IGFBP7: variants seen among roughly 807,000 people sequenced by gnomAD.
IGFBP7 encodes the protein insulin like growth factor binding protein 7.
In IGFBP7, 31 loss-of-function variants were observed where a neutral mutation model predicts 29.4. That is an observed-to-expected ratio of 1.05 (90% confidence interval 0.79 to 1.42). The LOEUF is 1.42. Among genes scored for constraint, IGFBP7 ranks in the 40% most tolerant of loss-of-function variants. The pLI is 0.00. For missense variants in IGFBP7, 393 were observed against 395.5 expected (o/e 0.99, Z 0.05); for synonymous variants, 172 against 174.9 (o/e 0.98, Z 0.13).
chr4:57,055,598 C>T (rs147781514), intron 1 of IGFBP7, among the ~76,000 whole-genome samples: 5 of 151,900 alleles, frequency 3.3e-5, no homozygotes. Flanking sequence ...CCTGATAACA[C>T]CAGCACCGCC....
At chr4:57,099,346 C>T (rs2109802580) in intron 1 of IGFBP7, among the ~76,000 whole-genome samples, 1 of 152,326 alleles carries the variant, frequency 6.6e-6, no homozygotes, top group Non-Finnish European at 1.5e-5. Flanking sequence ...AATTTTCCTT[C>T]TGCAAGTTGT....
chr4:57,090,353 T>A (rs1208993609), intron 1 of IGFBP7, among the ~76,000 whole-genome samples: 1 of 152,228 alleles, frequency 6.6e-6, no homozygotes, highest in Non-Finnish European at 1.5e-5. Context: ...CTAGTTCTTA[T>A]GATATACCCT....
intron 2 of IGFBP7, among the ~76,000 whole-genome samples, chr4:57,038,495 T>A (rs894692937): frequency 5.3e-5 from 8 of 152,124 alleles, no homozygotes; most frequent in Non-Finnish European, 8.8e-5. Context: ...AATGGGCTGG[T>A]AGAACTTGCA....
chr4:57,046,370 C>T (rs920140878), intron 1 of IGFBP7, among the ~76,000 whole-genome samples: 5 of 152,026 alleles, frequency 3.3e-5, no homozygotes, highest in African/African-American at 1.2e-4. Context: ...TGACTCTGTA[C>T]CAAATAACTT....
intron 1 of IGFBP7, among the ~76,000 whole-genome samples, chr4:57,098,803 G>A (rs967095995): frequency 6.6e-6 from 1 of 152,220 alleles, no homozygotes; most frequent in African/African-American, 2.4e-5. Flanking sequence ...TCCTTTGGAA[G>A]CCAGGGGTGC....
intron 1 of IGFBP7, among the ~76,000 whole-genome samples, chr4:57,100,187 A>T (rs1170786373): frequency 7.0e-6 from 1 of 143,062 alleles, no homozygotes; most frequent in African/African-American, 2.6e-5. Flanking sequence ...CTCTCACTTT[A>T]GCCTCCTGAG....
At chr4:57,088,390 T>A (rs928381340) in intron 1 of IGFBP7, among the ~76,000 whole-genome samples, 1 of 152,204 alleles carries the variant, frequency 6.6e-6, no homozygotes, top group African/African-American at 2.4e-5. Context: ...ATAAAAATAT[T>A]GAGGTTCCGA....
At chr4:57,076,046 A>G (rs1471089835) in intron 1 of IGFBP7, among the ~76,000 whole-genome samples, 1 of 152,204 alleles carries the variant, frequency 6.6e-6, no homozygotes, top group Non-Finnish European at 1.5e-5. Flanking sequence ...TGGCTTAAGC[A>G]TCTGAAGTGT....
At chr4:57,062,217 T>A (rs1402741672) in intron 1 of IGFBP7, among the ~76,000 whole-genome samples, 1 of 152,064 alleles carries the variant, frequency 6.6e-6, no homozygotes, top group Non-Finnish European at 1.5e-5. Flanking sequence ...TCATTTTGCT[T>A]TGTTGGAGAG....
At chr4:57,057,406 A>T (rs1335762808) in intron 1 of IGFBP7, among the ~76,000 whole-genome samples, 2 of 152,232 alleles carry the variant, frequency 1.3e-5, no homozygotes. Context: ...CCTGGGGCTT[A>T]TTGTAGAACT....
intron 1 of IGFBP7, among the ~76,000 whole-genome samples, chr4:57,071,357 G>T (rs1028501436): frequency 6.6e-6 from 1 of 152,202 alleles, no homozygotes; most frequent in Non-Finnish European, 1.5e-5. Context: ...TAGGAGAGCA[G>T]GATCTGTCAG....
intron 1 of IGFBP7, among the ~76,000 whole-genome samples, chr4:57,058,018 C>G (rs1177791035): frequency 6.6e-6 from 1 of 152,144 alleles, no homozygotes; most frequent in East Asian, 1.9e-4. Context: ...GGAGCTTGGC[C>G]TCTGTGGAGA....
chr4:57,057,159 C>T (rs1038926769), intron 1 of IGFBP7, among the ~76,000 whole-genome samples: 1 of 152,160 alleles, frequency 6.6e-6, no homozygotes, highest in South Asian at 2.1e-4. Context: ...GCACATACCA[C>T]CATCCCTGGC....
At chr4:57,086,070 T>A (rs748685137) in intron 1 of IGFBP7, among the ~76,000 whole-genome samples, 1 of 152,184 alleles carries the variant, frequency 6.6e-6, no homozygotes, top group Non-Finnish European at 1.5e-5. Flanking sequence ...GACTCACAGT[T>A]TCACATGGCT....
chr4:57,033,332 T>C, intron 2 of IGFBP7, 21 bp from the exon 3 acceptor site: 4 of 1,498,344 alleles, frequency 2.7e-6, no homozygotes, highest in Non-Finnish European at 3.7e-6. Context: ...AAAAGGAGAG[T>C]AATACTGAGT....
chr4:57,110,113 T>C lies in IGFBP7; in HGVS notation c.239A>G (p.Tyr80Cys). Residue 80 changes from tyrosine to cysteine, a missense_variant, in exon 1 of 5, where the codon TAC becomes TGC. Physicochemically the swap from Tyr to Cys is radical, Grantham distance 194. Coordinates refer to ENST00000295666, the MANE Select transcript of IGFBP7 (RefSeq NM_001553.3). Reference sequence around the variant, plus strand: ...CACGCACTCCATGCCCGGCGCGCAGTACCCCCTGCCGGCGCCGCCACCCCC... The same window carrying C: ...CACGCACTCCATGCCCGGCGCGCAGCACCCCCTGCCGGCGCCGCCACCCCC... ...PCGGGGAGRG[Y>C]CAPGMECVKS... 2 of 1,518,808 alleles carry C rather than the reference T, an allele frequency of 1.3e-6. No homozygotes were observed. Among genetic ancestry groups the C allele is most frequent in the Non-Finnish European group, 1.8e-6 (2 of 1,140,384 alleles). 94.1% of individuals were successfully genotyped at this position (1,518,808 alleles called of 1,614,324 possible).
At chr4:57,037,533 C>T (rs1264428258) in intron 2 of IGFBP7, among the ~76,000 whole-genome samples, 1 of 151,922 alleles carries the variant, frequency 6.6e-6, no homozygotes, top group African/African-American at 2.4e-5. Context: ...CGAGCCACCA[C>T]ACCAGCCTCA....
chr4:57,062,079 C>A (rs554115114), intron 1 of IGFBP7, among the ~76,000 whole-genome samples: 26 of 152,184 alleles, frequency 1.7e-4, no homozygotes, highest in East Asian at 3.9e-4. Flanking sequence ...GTGTCTTGTG[C>A]GAGGTCACAC....
chr4:57,109,925 G>A lies in IGFBP7; in HGVS notation c.427C>T (p.Arg143Cys), dbSNP rs1284908439. ...LRAASQRAES[R>C]GEKAITQVSK... is the part of the protein sequence containing the mutation. ...ACCTGGGTGATGGCCTTCTCCCCGC[G>A]GCTCTCGGCCCTCTGGCTGGCGGCG... The change falls in exon 1 of 5, where the codon CGC (arginine) becomes TGC (cysteine). Residue 143 changes from arginine (R) to cysteine (C), a missense_variant. Coordinates refer to ENST00000295666, the MANE Select transcript of IGFBP7 (RefSeq NM_001553.3). 1 of 1,557,860 alleles carries A rather than the reference G, an allele frequency of 6.4e-7. No homozygotes were observed. The highest frequency in any genetic ancestry group is 8.6e-7 in the Non-Finnish European group (1 of 1,158,198).
Sources: gnomAD v4.1 joint callset for allele counts (sites outside exome capture counted in the v4.1 genomes callset) on GRCh38, gnomAD v4.1.1 for gene constraint, MANE v1.5 for transcripts, NCBI Gene and HGNC (gene_info 2026-07-23, HGNC 2026-07-21) for gene names.